EPN1: variants seen among roughly 807,000 people sequenced by gnomAD.
EPN1 encodes the protein epsin-1.
In EPN1, 25 loss-of-function variants were observed where a neutral mutation model predicts 56.9. The ratio of observed to expected loss-of-function variants is 0.44; its 90% CI spans 0.32 to 0.61. The LOEUF is 0.61. Ranked by LOEUF, EPN1 falls within the 20% of genes least tolerant of loss-of-function variation. EPN1 has a pLI of 0.05. For synonymous variants in EPN1, 411 were observed against 361.8 expected (o/e 1.14, Z -1.54); for missense variants, 785 against 823.7 (o/e 0.95, Z 0.58).
chr19:55,692,127 T>C, intron 7 of EPN1, 70 bp downstream of exon 7: 2 of 1,353,908 alleles, frequency 1.5e-6, no homozygotes, highest in Non-Finnish European at 1.9e-6. Context: ...ACTGTGCCCT[T>C]GGACAGGGAC....
intron 1 of EPN1, chr19:55,677,582 G>A (rs1222254663): frequency 4.5e-6 from 7 of 1,548,180 alleles, no homozygotes; most frequent in Admixed American, 2.0e-5. Context: ...GTTGAAAAAG[G>A]TAATGTCCCT....
intron 1 of EPN1, among the ~76,000 whole-genome samples, chr19:55,678,307 G>A (rs757533436): frequency 1.3e-5 from 2 of 152,200 alleles, no homozygotes; most frequent in African/African-American, 4.8e-5. Context: ...GTGGGGCTGC[G>A]ATCTGCCACT....
At position 55,692,051 on chromosome 19, in the gene EPN1, TC is replaced by T; in HGVS notation, c.1062del (p.Asp355MetfsTer87). The part of the protein sequence containing the change: ...EGPTPDPWGS[S>X]DGGVPVSGPS... ...GCCCACGCCTGATCCATGGGGAAGT[TC>T]CGATGGTGAGTGCGTGGCCCACTTG... On this transcript the variant is annotated frameshift_variant, in exon 7 of 11. Coordinates refer to ENST00000270460, the MANE Select transcript of EPN1 (RefSeq NM_001130072.2). LOFTEE classifies it high-confidence loss of function. 6.9e-7 allele frequency: 1 copy of T among 1,443,920 alleles called. No homozygotes were observed. Among genetic ancestry groups the T allele is most frequent in the Non-Finnish European group, 9.1e-7 (1 of 1,104,514 alleles). 89.4% of individuals were successfully genotyped at this position (1,443,920 alleles called of 1,614,324 possible).
Position 55,702,492 on chromosome 19 carries a change from T to C in EPN1, c.*7136T>C, listed in dbSNP as rs1409643881. The C allele has an allele frequency of 6.6e-6, 1 of 152,218 alleles. No homozygotes were observed. Among genetic ancestry groups the C allele is most frequent in the Non-Finnish European group, 1.5e-5 (1 of 68,040 alleles). The allele number at this position is 152,218 out of a possible 1,614,324, so 9.4% of individuals were successfully genotyped here. Reference sequence around the variant, plus strand: ...TTTCACTGGGGCCCATCTATGTATGTGGCTTGGTGATTACCCAGGAACCTC... The same window carrying C: ...TTTCACTGGGGCCCATCTATGTATGCGGCTTGGTGATTACCCAGGAACCTC... On this transcript the variant is annotated 3_prime_UTR_variant, in exon 11 of 11. Transcript: ENST00000270460.
At position 55,708,797 on chromosome 19, in the gene EPN1, C is replaced by T. The variant is rs953876990; in HGVS notation, c.*13441C>T. The T allele has an allele frequency of 1.5e-6, 1 of 681,974 alleles. No homozygotes were observed. Among genetic ancestry groups the T allele is most frequent in the Non-Finnish European group, 2.4e-6 (1 of 416,316 alleles). 42.2% of individuals were successfully genotyped at this position (681,974 alleles called of 1,614,324 possible). ...TTGCTAGAACACTTAGGGAGTACCT[C>T]TGAAATCACAGCCCTGCTGCCATGA... On this transcript the variant is annotated 3_prime_UTR_variant, in exon 11 of 11. Coordinates refer to ENST00000270460, the MANE Select transcript of EPN1 (RefSeq NM_001130072.2).
rs375165854 is a variant in EPN1 at position 55,678,666 on chromosome 19, C to T, written c.39C>T (p.Ile13=). Residue 13 remains isoleucine, a synonymous_variant, in exon 2 of 11, where the codon ATC becomes ATT. Transcript: ENST00000270460. ...CCTTGAGGCGCCAGATGAAGAACAT[C>T]GTCCACAACTACTCAGAGGCGGAGA... ...TSSLRRQMKN[I]VHNYSEAEIK... 21 of 1,613,616 alleles carry T rather than the reference C, an allele frequency of 1.3e-5. No homozygotes were observed. In the African/African-American group the frequency reaches 1.6e-4, roughly 12 times the overall value.
intron 2 of EPN1, chr19:55,680,858 CTG>C (rs1316732469): frequency 6.6e-6 from 1 of 152,436 alleles, no homozygotes; most frequent in Non-Finnish European, 1.5e-5. Context: ...CCGGAGCCCT[CTG>C]TGCTGACCTG....
intron 2 of EPN1, among the ~76,000 whole-genome samples, chr19:55,679,692 G>A (rs1985681090): frequency 6.6e-6 from 1 of 152,232 alleles, no homozygotes; most frequent in Admixed American, 6.5e-5. Flanking sequence ...ACTCACAGAT[G>A]AGGAGGCTGA....
intron 1 of EPN1, among the ~76,000 whole-genome samples, chr19:55,676,412 G>T (rs2122152647): frequency 6.6e-6 from 1 of 152,292 alleles, no homozygotes; most frequent in African/African-American, 2.4e-5. Flanking sequence ...TCTCAGCTTT[G>T]ATGTGCTAGT....
Position 55,694,726 on chromosome 19 carries a change from G to C in EPN1, c.1265G>C (p.Gly422Ala). The change falls in exon 10 of 11, where the codon GGA becomes GCA. Residue 422 changes from glycine (G) to alanine (A), a missense_variant and splice_region_variant. Gly to Ala is a moderately conservative substitution (Grantham distance 60, BLOSUM62 0). Around this residue, in one of 2 missense-constraint regions of EPN1, gnomAD observed 650 missense variants for 605.0 expected, o/e 1.07. Coordinates refer to ENST00000270460, the MANE Select transcript of EPN1 (RefSeq NM_001130072.2). This position sits in a 1 kb window ranked among gnomAD's most constrained non-coding sequence, Gnocchi z 4.2. Reference sequence around the variant, plus strand: ...GAGCCCCTCTCCCGGATCCTTCCAGGAGAGCTGGAGCTGCTGGCAGGAGAG... The same window carrying C: ...GAGCCCCTCTCCCGGATCCTTCCAGCAGAGCTGGAGCTGCTGGCAGGAGAG... ...TALPTSGSSA[G>A]ELELLAGEVP... 6.4e-7 allele frequency: 1 copy of C among 1,566,094 alleles called. No individual in the cohort carries two copies. The highest frequency in any genetic ancestry group is 8.7e-7 in the Non-Finnish European group (1 of 1,154,770).
chr19:55,677,214 G>T, intron 1 of EPN1: 1 of 1,502,160 alleles, frequency 6.7e-7, no homozygotes, highest in Non-Finnish European at 9.1e-7. Context: ...TGCTCCAGGA[G>T]TAAGGTGTGT....
rs1261382439 is a variant in EPN1 at position 55,691,763 on chromosome 19, A to G, written c.772A>G (p.Met258Val). Residue 258 changes from methionine (M) to valine (V), a missense_variant, in exon 7 of 11, where the codon ATG becomes GTG. By Grantham distance (21) the Met-to-Val change is conservative (BLOSUM62 1). This residue lies in a region of EPN1 where 650 missense variants were observed against 605.0 expected (regional missense o/e 1.07). Coordinates refer to ENST00000270460, the MANE Select transcript of EPN1 (RefSeq NM_001130072.2). This position sits in a 1 kb window ranked among gnomAD's most constrained non-coding sequence, Gnocchi z 5.6. Reference protein sequence around the residue: ...ETGGKEESSLMDLADVFTAPA... With the variant: ...ETGGKEESSLVDLADVFTAPA... Reference sequence around the variant, plus strand: ...TCTCTCTCCCCCACAGTCGTCCCTCATGGACCTTGCTGACGTCTTCACGGC... The same window carrying G: ...TCTCTCTCCCCCACAGTCGTCCCTCGTGGACCTTGCTGACGTCTTCACGGC... 1.9e-6 allele frequency: 3 copies of G among 1,612,262 alleles called. No individual in the cohort carries two copies. The highest frequency in any genetic ancestry group is 2.5e-6 in the Non-Finnish European group (3 of 1,179,118).
In EPN1 at chr19:55,691,118, A is replaced by G. The variant is rs1383039362; in HGVS notation, c.763-636A>G. Among the ~76,000 whole-genome samples, 1 of 152,178 alleles carries G rather than the reference A, an allele frequency of 6.6e-6. No individual in the cohort carries two copies. The highest frequency in any genetic ancestry group is 1.5e-5 in the Non-Finnish European group (1 of 68,032). On this transcript the variant is annotated intron_variant, in intron 6 of 10. Transcript: ENST00000270460. This position sits in a 1 kb window ranked among gnomAD's most constrained non-coding sequence, Gnocchi z 5.6. ...GGGCCCGTCGTGTGCCCACTTCCAGAACACAGGACCATGCATGCGTGTGCG... is the reference window on the plus strand; with the variant it reads ...GGGCCCGTCGTGTGCCCACTTCCAGGACACAGGACCATGCATGCGTGTGCG...
At position 55,708,653 on chromosome 19, in the gene EPN1, G is replaced by C. The variant is rs887954176; in HGVS notation, c.*13297G>C. On this transcript the variant is annotated 3_prime_UTR_variant, in exon 11 of 11. Transcript: ENST00000270460. The stretch of plus-strand genomic sequence containing the variant: ...ATGCTTTCCAGAGCGTTTAGCACTT[G>C]TTTAACGTACTTGTGCTTCTAAATA... 3.2e-6 allele frequency: 1 copy of C among 312,246 alleles called. No individual in the cohort carries two copies. Among genetic ancestry groups the C allele is most frequent in the Non-Finnish European group, 5.8e-6 (1 of 171,554 alleles). The allele number at this position is 312,246 out of a possible 1,614,324, so 19.3% of individuals were successfully genotyped here. A position where few individuals can be genotyped will look rare whatever the true frequency, so the allele number is the denominator to read the frequency against.
rs765370269 is a variant in EPN1 at position 55,688,864 on chromosome 19, C to G, written c.479-6C>G. The G allele has an allele frequency of 6.3e-7, 1 of 1,574,984 alleles. No homozygotes were observed. The highest frequency in any genetic ancestry group is 1.3e-5 in the African/African-American group (1 of 74,110). On this transcript the variant is annotated splice_polypyrimidine_tract_variant and splice_region_variant and intron_variant, in intron 3 of 10. Transcript: ENST00000270460. Reference sequence around the variant, plus strand: ...GGGTCTCACGCGTTTCTCACCCGCCCTCCAGCCTCATCAGCAGCTGTGGGC... The same window carrying G: ...GGGTCTCACGCGTTTCTCACCCGCCGTCCAGCCTCATCAGCAGCTGTGGGC...
rs1364026789 is a variant in EPN1 at position 55,689,253 on chromosome 19, C to T, written c.604-44C>T. On this transcript the variant is annotated intron_variant, in intron 4 of 10. Coordinates refer to ENST00000270460, the MANE Select transcript of EPN1 (RefSeq NM_001130072.2). This position sits in a 1 kb window ranked among gnomAD's most constrained non-coding sequence, Gnocchi z 5.7. ...ACCCTGGCTCTGCCTCTGACTCTGCCTCTGGCCCCTCCCGTCATGCCCCTC... is the reference window on the plus strand; with the variant it reads ...ACCCTGGCTCTGCCTCTGACTCTGCTTCTGGCCCCTCCCGTCATGCCCCTC... 2 of 1,406,250 alleles carry T rather than the reference C, an allele frequency of 1.4e-6. No homozygotes were observed. The highest frequency in any genetic ancestry group is 1.2e-5 in the South Asian group (1 of 81,054). 87.1% of individuals were successfully genotyped at this position (1,406,250 alleles called of 1,614,324 possible). A position where few individuals can be genotyped will look rare whatever the true frequency, so the allele number is the denominator to read the frequency against.
At chr19:55,688,782 C>T (rs1986333869) in intron 3 of EPN1, 88 bp from the exon 4 acceptor site, 1 of 1,527,326 alleles carries the variant, frequency 6.5e-7, no homozygotes, top group African/African-American at 1.4e-5. Flanking sequence ...TGGGGTTGGA[C>T]ACAGAAGCCC....
chr19:55,693,329 G>A (rs1355551438), intron 9 of EPN1: 1 of 395,352 alleles, frequency 2.5e-6, no homozygotes, highest in Non-Finnish European at 4.7e-6. Context: ...TGAGTGCCTT[G>A]CAAACTCTCC....
chr19:55,708,806 C>T lies in EPN1; in HGVS notation c.*13450C>T. On this transcript the variant is annotated 3_prime_UTR_variant, in exon 11 of 11. Transcript: ENST00000270460. ...CACTTAGGGAGTACCTCTGAAATCA[C>T]AGCCCTGCTGCCATGATGTGCAATT... is the stretch of plus-strand genomic sequence containing the variant. 1.4e-6 allele frequency: 1 copy of T among 729,330 alleles called. No individual in the cohort carries two copies. Among genetic ancestry groups the T allele is most frequent in the East Asian group, 3.0e-5 (1 of 33,746 alleles). 45.2% of individuals were successfully genotyped at this position (729,330 alleles called of 1,614,324 possible).
Sources: allele counts gnomAD v4.1 joint callset (sites outside exome capture counted in the v4.1 genomes callset), GRCh38; gene constraint gnomAD v4.1.1; regional missense constraint gnomAD v4.1.1; non-coding constraint Gnocchi (gnomAD v3.1); transcripts MANE v1.5; gene names NCBI Gene and HGNC (gene_info 2026-07-23, HGNC 2026-07-21).